Variants in SUPT3H observed in about 807,000 individuals in gnomAD.
SUPT3H encodes SPT3 homolog, SAGA and STAGA complex component.
Under a neutral mutation model 44.3 loss-of-function variants are expected in SUPT3H, and 44 were observed. The ratio of observed to expected loss-of-function variants is 0.99; its 90% CI spans 0.78 to 1.28. The LOEUF (loss-of-function observed/expected upper bound fraction) is 1.28, where lower values mean the gene tolerates loss of function less well. Ranked by LOEUF, SUPT3H falls within the 50% of genes most tolerant of loss-of-function variation. The pLI, the probability that SUPT3H is intolerant of heterozygous loss-of-function variation, is 0.00. For synonymous variants in SUPT3H, 124 were observed against 125.6 expected (o/e 0.99, Z 0.09); for missense variants, 380 against 387.1 (o/e 0.98, Z 0.15).
chr6:45,100,541 T>TAAAAAAAAAAAAAAA (rs58120512), intron 3 of SUPT3H, among the ~76,000 whole-genome samples: 3 of 33,452 alleles, frequency 9.0e-5, no homozygotes, highest in African/African-American at 5.3e-4. Context: ...ACCCTGTACT[T>TAAAAAAAAAAAAAAA]AAAAAAAAAA....
chr6:45,174,915 C>A (rs926966968), intron 2 of SUPT3H, among the ~76,000 whole-genome samples: 1 of 149,308 alleles, frequency 6.7e-6, no homozygotes, highest in Non-Finnish European at 1.5e-5. Context: ...TGGTAAATCA[C>A]GCCTGGAGTC....
At chr6:44,924,107 T>G (rs376309008) in intron 10 of SUPT3H, among the ~76,000 whole-genome samples, 3 of 152,124 alleles carry the variant, frequency 2.0e-5, no homozygotes, top group Non-Finnish European at 2.9e-5. Context: ...TTATGCTGGA[T>G]AAGAAATCCA....
rs1178248899 is a variant in SUPT3H at position 44,956,107 on chromosome 6, G to A, written c.581-1500C>T. On this transcript the variant is annotated intron_variant, in intron 7 of 10. Coordinates refer to ENST00000371459, the MANE Select transcript of SUPT3H (RefSeq NM_003599.4). ...ACTGCACTCCAGCCTGGGCGAGTGC[G>A]AGACTCCGTCTCAAAAAAAAAAAAG... 2.7e-5 allele frequency among the ~76,000 whole-genome samples: 4 copies of A among 148,286 alleles called. No individual in the cohort carries two copies. The East Asian group carries it at 6.1e-4, about 23-fold the overall frequency.
intron 2 of SUPT3H, among the ~76,000 whole-genome samples, chr6:45,246,483 A>C (rs1242721313): frequency 1.3e-5 from 2 of 152,182 alleles, no homozygotes; most frequent in Non-Finnish European, 2.9e-5. Flanking sequence ...CTTTGCACTA[A>C]GTTAAAATTA....
intron 2 of SUPT3H, among the ~76,000 whole-genome samples, chr6:45,110,405 C>A (rs1271805048): frequency 6.6e-6 from 1 of 152,138 alleles, no homozygotes; most frequent in Non-Finnish European, 1.5e-5. Context: ...GAATTTATGA[C>A]TAACACTTTT....
intron 4 of SUPT3H, among the ~76,000 whole-genome samples, chr6:45,015,480 C>T (rs1304043479): frequency 1.3e-5 from 2 of 151,930 alleles, no homozygotes; most frequent in Non-Finnish European, 2.9e-5. Context: ...ATTTGAGGGC[C>T]TAGGACATTA....
chr6:44,810,579 A>C (rs2153402175), intron 11 of SUPT3H, among the ~76,000 whole-genome samples: 1 of 144,016 alleles, frequency 6.9e-6, no homozygotes, highest in African/African-American at 2.6e-5. Context: ...GATGTGTCAT[A>C]TAGGACTTAA....
chr6:44,895,165 C>G (rs183380869), intron 10 of SUPT3H, among the ~76,000 whole-genome samples: 1 of 151,260 alleles, frequency 6.6e-6, no homozygotes, highest in East Asian at 1.9e-4. Flanking sequence ...TTTTCTTTTT[C>G]ATATTAAAGT....
At chr6:44,902,469 C>G (rs1054917134) in intron 10 of SUPT3H, among the ~76,000 whole-genome samples, 6 of 152,146 alleles carry the variant, frequency 3.9e-5, no homozygotes, top group African/African-American at 1.4e-4. Flanking sequence ...ATCAATTCAA[C>G]AAGAAGAGCT....
At chr6:45,281,445 T>G (rs1778050550) in intron 2 of SUPT3H, among the ~76,000 whole-genome samples, 2 of 152,136 alleles carry the variant, frequency 1.3e-5, no homozygotes, top group Admixed American at 1.3e-4. Flanking sequence ...GGAGATTATA[T>G]CCCGTGCCTG....
In SUPT3H at chr6:45,214,971, C is replaced by G. The variant is rs1427659685; in HGVS notation, c.102-108965G>C. On this transcript the variant is annotated intron_variant, in intron 2 of 10. Coordinates refer to ENST00000371459, the MANE Select transcript of SUPT3H (RefSeq NM_003599.4). ...GTGCCCAGTGTATTCCATCCCAGAC[C>G]TGAGAATCAACCTACCCCGTGGCTC... 2.0e-5 allele frequency among the ~76,000 whole-genome samples: 3 copies of G among 152,128 alleles called. No individual in the cohort carries two copies. In the East Asian group the frequency reaches 5.8e-4, roughly 29 times the overall value.
chr6:45,246,918 A>G (rs1450059105), intron 2 of SUPT3H, among the ~76,000 whole-genome samples: 1 of 152,226 alleles, frequency 6.6e-6, no homozygotes, highest in Non-Finnish European at 1.5e-5. Context: ...CCCTCTTAAG[A>G]AACTAAAAAG....
At chr6:45,328,881 T>A in intron 2 of SUPT3H, 1 of 1,238,384 alleles carries the variant, frequency 8.1e-7, no homozygotes, top group Non-Finnish European at 1.2e-6. Flanking sequence ...AAATAGCATA[T>A]TAAAGATCCT....
intron 3 of SUPT3H, among the ~76,000 whole-genome samples, chr6:45,032,389 T>C (rs1201912434): frequency 1.3e-5 from 2 of 152,152 alleles, no homozygotes; most frequent in Non-Finnish European, 2.9e-5. Flanking sequence ...AATGAAATAA[T>C]GTAGTAAAGA....
chr6:45,157,519 C>T (rs1021058145), intron 2 of SUPT3H, among the ~76,000 whole-genome samples: 5 of 151,242 alleles, frequency 3.3e-5, no homozygotes, highest in African/African-American at 4.9e-5. Flanking sequence ...ATATATGATG[C>T]CTATGTTTTA....
intron 3 of SUPT3H, among the ~76,000 whole-genome samples, chr6:45,101,151 C>T (rs1044848325): frequency 3.3e-5 from 5 of 152,196 alleles, no homozygotes; most frequent in East Asian, 1.9e-4. Context: ...GTTGGCCAGG[C>T]GCGGAGGCTC....
chr6:44,920,254 TTA>T lies in SUPT3H; in HGVS notation c.912+12397_912+12398del, dbSNP rs572412921. 2.3e-3 allele frequency among the ~76,000 whole-genome samples: 356 copies of T among 152,230 alleles called. 6 individuals are homozygous for T. The highest frequency in any genetic ancestry group is 3.2e-4 in the Non-Finnish European group (22 of 68,008). On this transcript the variant is annotated intron_variant, in intron 10 of 10. Coordinates refer to ENST00000371459, the MANE Select transcript of SUPT3H (RefSeq NM_003599.4). ...GCTTAAAAAAATCTGAAATAGCTCC[TTA>T]ATGACTATGTCTGTTGTTTAAAAGA... is the stretch of plus-strand genomic sequence containing the variant.
At chr6:44,898,615 A>G (rs1329839002) in intron 10 of SUPT3H, 4 of 152,278 alleles carry the variant, frequency 2.6e-5, no homozygotes, top group African/African-American at 7.2e-5. Context: ...GGTTATTGCT[A>G]TAATAGATAC....
At chr6:45,337,227 T>A (rs1028550975) in intron 2 of SUPT3H, among the ~76,000 whole-genome samples, 2 of 151,706 alleles carry the variant, frequency 1.3e-5, no homozygotes, top group Non-Finnish European at 3.0e-5. Flanking sequence ...AAGAATCACA[T>A]CCAATCCCTA....
Sources: allele counts gnomAD v4.1 joint callset (sites outside exome capture counted in the v4.1 genomes callset), GRCh38; gene constraint gnomAD v4.1.1; transcripts MANE v1.5; gene names NCBI Gene and HGNC (gene_info 2026-07-23, HGNC 2026-07-21).